The following COLQ variants were observed in gnomAD, a reference collection of about 807,000 sequenced individuals.
The protein encoded by COLQ is collagen like tail subunit of asymmetric acetylcholinesterase.
A neutral mutation model predicts 69.0 loss-of-function variants in COLQ; 48 were observed. The observed-to-expected ratio is 0.70, with a 90% CI of 0.55 to 0.88. The LOEUF is 0.88. Among genes scored for constraint, COLQ ranks in the 40% least tolerant of loss-of-function variants. The pLI is 0.00. For synonymous variants in COLQ, 217 were observed against 211.2 expected, an observed-to-expected ratio of 1.03 and a Z score of -0.24; for missense variants, 618 against 594.6, an observed-to-expected ratio of 1.04 and a Z score of -0.41.
intron 16 of COLQ, 45 bp from the exon 17 acceptor site, chr3:15,451,758 C>T (rs772328550): frequency 1.3e-6 from 2 of 1,534,436 alleles, no homozygotes; most frequent in Non-Finnish European, 1.8e-6. Flanking sequence ...CTCTTATATG[C>T]TGGTGACTTC....
chr3:15,493,321 T>A (rs1435277129), intron 1 of COLQ, among the ~76,000 whole-genome samples: 1 of 152,224 alleles, frequency 6.6e-6, no homozygotes, highest in Non-Finnish European at 1.5e-5. Context: ...TTCACTCACA[T>A]GGGCTCTGGG....
Position 15,474,259 on chromosome 3 carries a change from T to C in COLQ, c.569A>G (p.Glu190Gly), listed in dbSNP as rs377364923. The change falls in exon 9 of 17, where the codon GAA (glutamate) becomes GGA (glycine). Residue 190 changes from glutamate to glycine, a missense_variant. Coordinates refer to ENST00000383788, the MANE Select transcript of COLQ (RefSeq NM_005677.4). ...GSRGEKGSRG[E>G]KGDLGPKGEK... is the part of the protein sequence containing the mutation. ...TCCTTTGGGACCCAGGTCACCCTTTTCACCTCTGGATCCCTAGGAAGAAAC... is the reference window on the plus strand; with the variant it reads ...TCCTTTGGGACCCAGGTCACCCTTTCCACCTCTGGATCCCTAGGAAGAAAC... The C allele has an allele frequency of 1.9e-5, 30 of 1,614,036 alleles. No homozygotes were observed. The highest frequency in any genetic ancestry group is 2.5e-5 in the Non-Finnish European group (29 of 1,179,858).
chr3:15,501,122 G>A (rs1342702616), intron 1 of COLQ, among the ~76,000 whole-genome samples: 3 of 152,178 alleles, frequency 2.0e-5, no homozygotes, highest in Non-Finnish European at 4.4e-5. Context: ...AGTTCACCAC[G>A]GCAAGAGCTG....
chr3:15,494,770 C>T (rs2062720700), intron 1 of COLQ, among the ~76,000 whole-genome samples: 1 of 152,158 alleles, frequency 6.6e-6, no homozygotes, highest in Non-Finnish European at 1.5e-5. Context: ...ATCCCTCTGA[C>T]CAAACTGTGC....
intron 1 of COLQ, among the ~76,000 whole-genome samples, chr3:15,499,392 T>C (rs561021367): frequency 6.6e-6 from 1 of 152,200 alleles, no homozygotes; most frequent in Non-Finnish European, 1.5e-5. Flanking sequence ...CCATAAGCTA[T>C]AGCAGGAGTC....
chr3:15,451,721 A>G lies in COLQ; in HGVS notation c.1299-8T>C, dbSNP rs898982072. ...TGCAGGTCTCCATATGACCTGAGGG[A>G]GGCAAAGACACGTTCTAAAAGGCCA... On this transcript the variant is annotated splice_region_variant and splice_polypyrimidine_tract_variant and intron_variant, in intron 16 of 16. Transcript: ENST00000383788. 2 of 1,613,026 alleles carry G rather than the reference A, an allele frequency of 1.2e-6. No homozygotes were observed. The highest frequency in any genetic ancestry group is 1.7e-6 in the Non-Finnish European group (2 of 1,179,258).
At chr3:15,478,655 T>A (rs890224600) in intron 5 of COLQ, 2 of 484,030 alleles carry the variant, frequency 4.1e-6, no homozygotes, top group Non-Finnish European at 7.5e-6. Context: ...TGGTTGGAGC[T>A]ATGAAGGGTT....
intron 10 of COLQ, 74 bp from the exon 11 acceptor site, chr3:15,470,690 G>A: frequency 8.1e-6 from 11 of 1,361,890 alleles, no homozygotes; most frequent in Non-Finnish European, 1.2e-5. Context: ...GGTCTAGCCA[G>A]TCATTGGCTA....
In COLQ at chr3:15,459,884, A is replaced by G. The variant is rs571975172; in HGVS notation, c.815-1559T>C. 5.3e-5 allele frequency among the ~76,000 whole-genome samples: 8 copies of G among 152,156 alleles called. No individual in the cohort carries two copies. In the South Asian group the frequency reaches 1.7e-3, roughly 32 times the overall value. On this transcript the variant is annotated intron_variant, in intron 12 of 16. Transcript: ENST00000383788. ...ATATGTATACATGTGCTAGGCATCC[A>G]TATTTTTAAAAGCTCTCAAGATGAT...
intron 3 of COLQ, among the ~76,000 whole-genome samples, chr3:15,485,852 T>C (rs140435096): frequency 6.6e-6 from 1 of 152,296 alleles, no homozygotes; most frequent in African/African-American, 2.4e-5. Context: ...CCCACCCTCC[T>C]GTGGGAGGCT....
intron 1 of COLQ, chr3:15,498,964 C>T (rs1302973662): frequency 1.0e-5 from 12 of 1,174,272 alleles, no homozygotes; most frequent in South Asian, 5.5e-5. Context: ...GCTCAAAAAC[C>T]GACTTGACTC....
Position 15,470,892 on chromosome 3 carries a change from A to G in COLQ, c.637-276T>C, listed in dbSNP as rs190464155. On this transcript the variant is annotated intron_variant, in intron 10 of 16. Transcript: ENST00000383788. ...GGAGCAGCACACATTTTGATGGCCA[A>G]ATAGAAGAGACAAATCATCACCCAG... Among the ~76,000 whole-genome samples the G allele has an allele frequency of 5.3e-5, 8 of 152,314 alleles. No individual in the cohort carries two copies. In the East Asian group the frequency reaches 1.2e-3, roughly 22 times the overall value.
intron 13 of COLQ, among the ~76,000 whole-genome samples, chr3:15,456,990 C>A (rs2062035902): frequency 6.6e-6 from 1 of 151,790 alleles, no homozygotes; most frequent in African/African-American, 2.4e-5. Context: ...GCCTGGCTAA[C>A]TTTTGTATTT....
rs146830466 is a variant in COLQ, at chr3:15,491,068, C to A, written c.107-1431G>T. ...TGATTTGTGTCCCTACCTAATGAAT[C>A]CAGTGGGGGTTATTGCAAATTTTTC... is the stretch of plus-strand genomic sequence containing the variant. On this transcript the variant is annotated intron_variant, in intron 1 of 16. Coordinates refer to ENST00000383788, the MANE Select transcript of COLQ (RefSeq NM_005677.4). 1.7e-4 allele frequency among the ~76,000 whole-genome samples: 26 copies of A among 152,108 alleles called. No individual in the cohort carries two copies. In the East Asian group the frequency reaches 4.4e-3, roughly 26 times the overall value.
At chr3:15,481,215 C>T (rs1351869874) in intron 3 of COLQ, among the ~76,000 whole-genome samples, 3 of 152,110 alleles carry the variant, frequency 2.0e-5, no homozygotes, top group Non-Finnish European at 2.9e-5. Context: ...TAATTAGATC[C>T]TATTTGTCTA....
At chr3:15,484,115 C>T (rs904237044) in intron 3 of COLQ, among the ~76,000 whole-genome samples, 46 of 152,220 alleles carry the variant, frequency 3.0e-4, no homozygotes, top group Admixed American at 2.7e-3. Context: ...TGTCTCTGCA[C>T]GTGAGATGGG....
intron 10 of COLQ, among the ~76,000 whole-genome samples, chr3:15,472,721 C>T (rs893671224): frequency 6.6e-6 from 1 of 152,186 alleles, no homozygotes; most frequent in Non-Finnish European, 1.5e-5. Flanking sequence ...CCCTAACCCT[C>T]GGTAAAAGTT....
At chr3:15,521,496 A>T (rs368787024) in intron 1 of COLQ, 24 bp downstream of exon 1, 2 of 1,613,928 alleles carry the variant, frequency 1.2e-6, no homozygotes, top group Non-Finnish European at 1.7e-6. Flanking sequence ...GATGGAAGAG[A>T]GGAAAGTTGT....
At chr3:15,515,979 T>G (rs764891832) in intron 1 of COLQ, among the ~76,000 whole-genome samples, 32 of 152,158 alleles carry the variant, frequency 2.1e-4, no homozygotes, top group Admixed American at 1.3e-3. Flanking sequence ...TGGCAAACAG[T>G]AAGGTGGGGG....
Sources: gnomAD v4.1 joint callset for allele counts (sites outside exome capture counted in the v4.1 genomes callset) on GRCh38, gnomAD v4.1.1 for gene constraint, MANE v1.5 for transcripts, NCBI Gene and HGNC (gene_info 2026-07-23, HGNC 2026-07-21) for gene names.